The following COL23A1 variants were observed in gnomAD, a reference collection of about 807,000 sequenced individuals.
The protein encoded by COL23A1 is collagen alpha-1(XXIII) chain.
In COL23A1, 97 loss-of-function variants were observed where a neutral mutation model predicts 99.3. The observed-to-expected ratio is 0.98, with a 90% CI of 0.83 to 1.16. The LOEUF is 1.16. Ranked by LOEUF, COL23A1 falls within the 50% of genes most tolerant of loss-of-function variation. COL23A1 has a pLI of 0.00. For missense variants in COL23A1, 762 were observed against 757.4 expected (o/e 1.01, Z -0.07); for synonymous variants, 320 against 308.2 (o/e 1.04, Z -0.40).
chr5:178,460,904 C>A (rs1274159720), intron 2 of COL23A1, among the ~76,000 whole-genome samples: 1 of 152,204 alleles, frequency 6.6e-6, no homozygotes, highest in Admixed American at 6.5e-5. Context: ...TTGCCCCTTC[C>A]CCTATTCTAT....
chr5:178,523,143 A>AAAAT (rs1345833563), intron 2 of COL23A1, among the ~76,000 whole-genome samples: 25 of 106,224 alleles, frequency 2.4e-4, no homozygotes, highest in African/African-American at 7.9e-4. Context: ...TCTATTTAAA[A>AAAAT]ATATATATAT....
intron 2 of COL23A1, among the ~76,000 whole-genome samples, chr5:178,400,358 C>T (rs146257743): frequency 0.057 from 7,038 of 122,948 alleles, 474 homozygotes; most frequent in East Asian, 0.4. Context: ...CAGAGCGAGA[C>T]TCCGTCTCAA....
intron 2 of COL23A1, among the ~76,000 whole-genome samples, chr5:178,416,477 G>A (rs1456322846): frequency 1.3e-5 from 2 of 152,206 alleles, no homozygotes; most frequent in Non-Finnish European, 2.9e-5. Flanking sequence ...GAGTGAGCCC[G>A]GAGGGGTGGG....
rs113088093 is a variant in COL23A1 at position 178,358,834 on chromosome 5, T to C, written c.362-51915A>G. Among the ~76,000 whole-genome samples, 24 of 152,270 alleles carry C rather than the reference T, an allele frequency of 1.6e-4. 1 individual carries two copies. Among genetic ancestry groups the C allele is most frequent in the African/African-American group, 5.5e-4 (23 of 41,540 alleles). ...TGATTTGTATATAAGCCCCCACTCA[T>C]ATAAAATCTGCACCTATATATTAAA... On this transcript the variant is annotated intron_variant, in intron 2 of 28. Coordinates refer to ENST00000390654, the MANE Select transcript of COL23A1 (RefSeq NM_173465.4).
At chr5:178,262,518 T>C (rs4976716) in intron 9 of COL23A1, among the ~76,000 whole-genome samples, 16,660 of 152,010 alleles carry the variant, frequency 0.11, 1,080 homozygotes, top group East Asian at 0.26. Flanking sequence ...GGGGATCCAT[T>C]TGACTGGGGG....
At chr5:178,339,325 G>A (rs1760524194) in intron 2 of COL23A1, among the ~76,000 whole-genome samples, 1 of 152,138 alleles carries the variant, frequency 6.6e-6, no homozygotes, top group Non-Finnish European at 1.5e-5. Context: ...TCAAGCCTCC[G>A]CCATCCTGAA....
At chr5:178,470,947 A>C (rs755722499) in intron 2 of COL23A1, among the ~76,000 whole-genome samples, 1 of 152,114 alleles carries the variant, frequency 6.6e-6, no homozygotes, top group Non-Finnish European at 1.5e-5. Flanking sequence ...CCTTCCATAG[A>C]CTTACTGTGA....
intron 2 of COL23A1, among the ~76,000 whole-genome samples, chr5:178,333,139 A>C (rs1260553624): frequency 1.3e-5 from 2 of 151,910 alleles, no homozygotes; most frequent in Non-Finnish European, 2.9e-5. Flanking sequence ...TGTATTTTTA[A>C]TAGAGACGGG....
Position 178,428,974 on chromosome 5 carries a change from C to G in COL23A1, c.362-122055G>C, listed in dbSNP as rs542551179. On this transcript the variant is annotated intron_variant, in intron 2 of 28. Coordinates refer to ENST00000390654, the MANE Select transcript of COL23A1 (RefSeq NM_173465.4). This position sits in a 1 kb window ranked among gnomAD's most constrained non-coding sequence, Gnocchi z 5.0. ...AGTGTCCTGAGACCCTACCACACCCCAGTGCTGCCCAGGCCCAGCACCCGG... is the reference window on the plus strand; with the variant it reads ...AGTGTCCTGAGACCCTACCACACCCGAGTGCTGCCCAGGCCCAGCACCCGG... 2.6e-5 allele frequency among the ~76,000 whole-genome samples: 4 copies of G among 152,248 alleles called. No individual in the cohort carries two copies. The South Asian group carries it at 6.2e-4, about 24-fold the overall frequency.
intron 3 of COL23A1, among the ~76,000 whole-genome samples, chr5:178,305,448 C>G (rs1758298831): frequency 6.6e-6 from 1 of 152,180 alleles, no homozygotes; most frequent in South Asian, 2.1e-4. Flanking sequence ...GCCAGCCTGG[C>G]TTCGTCACCA....
At chr5:178,463,705 C>T (rs576907771) in intron 2 of COL23A1, among the ~76,000 whole-genome samples, 11 of 152,146 alleles carry the variant, frequency 7.2e-5, no homozygotes, top group East Asian at 1.9e-4. Context: ...CAAATGTGCA[C>T]GGTGGCCCCC....
chr5:178,527,761 C>T (rs1272801381), intron 2 of COL23A1, among the ~76,000 whole-genome samples: 1 of 152,050 alleles, frequency 6.6e-6, no homozygotes, highest in Non-Finnish European at 1.5e-5. Context: ...TGCCCACGCC[C>T]CTGCCAGGCT....
chr5:178,503,556 T>C (rs1361368309), intron 2 of COL23A1, among the ~76,000 whole-genome samples: 1 of 152,090 alleles, frequency 6.6e-6, no homozygotes, highest in Non-Finnish European at 1.5e-5. Flanking sequence ...CTGAAGTATT[T>C]AGGGGTGAGG....
At position 178,242,337 on chromosome 5, in the gene COL23A1, T is replaced by A. The variant is rs1215864665; in HGVS notation, c.1494+4A>T. The A allele has an allele frequency of 6.2e-7, 1 of 1,613,820 alleles. No homozygotes were observed. The highest frequency in any genetic ancestry group is 8.5e-7 in the Non-Finnish European group (1 of 1,179,874). ...TGCCCCAGCTCCCGTCCAGCTGCCC[T>A]CACCTTCTCTCCACGCTCGCTCCGA... On this transcript the variant is annotated splice_donor_region_variant and intron_variant, in intron 26 of 28. Coordinates refer to ENST00000390654, the MANE Select transcript of COL23A1 (RefSeq NM_173465.4).
chr5:178,587,936 C>T (rs1184936326), intron 1 of COL23A1, among the ~76,000 whole-genome samples: 1 of 152,214 alleles, frequency 6.6e-6, no homozygotes, highest in Non-Finnish European at 1.5e-5. Flanking sequence ...GCCCCAACTG[C>T]ATTCATACTG....
intron 2 of COL23A1, among the ~76,000 whole-genome samples, chr5:178,347,923 AC>A (rs1209976470): frequency 1.3e-5 from 2 of 151,866 alleles, no homozygotes; most frequent in Admixed American, 6.6e-5. Flanking sequence ...CAAAAAAAAA[AC>A]AAAGAATAAA....
At position 178,272,475 on chromosome 5, in the gene COL23A1, C is replaced by T. The variant is rs972353167; in HGVS notation, c.442-2112G>A. On this transcript the variant is annotated intron_variant, in intron 5 of 28. Coordinates refer to ENST00000390654, the MANE Select transcript of COL23A1 (RefSeq NM_173465.4). ...AGTCTCATGGTCGCTGAGGGTTTGGCCATCAGAGTGATGGCCTGGTGACAG... is the reference window on the plus strand; with the variant it reads ...AGTCTCATGGTCGCTGAGGGTTTGGTCATCAGAGTGATGGCCTGGTGACAG... Among the ~76,000 whole-genome samples the T allele has an allele frequency of 2.6e-5, 4 of 152,164 alleles. No homozygotes were observed. The East Asian group carries it at 7.7e-4, about 29-fold the overall frequency.
In COL23A1 at chr5:178,345,236, G is replaced by T. The variant is rs1760894254; in HGVS notation, c.362-38317C>A. On this transcript the variant is annotated intron_variant, in intron 2 of 28. Coordinates refer to ENST00000390654, the MANE Select transcript of COL23A1 (RefSeq NM_173465.4). ...TAGAGATGTTCTTGATTTCTATAAT[G>T]TCCCTATTCAAGACAGACCTAAATT... 9.4e-6 allele frequency: 8 copies of T among 851,890 alleles called. No homozygotes were observed. The South Asian group carries it at 1.0e-4, about 11-fold the overall frequency. 52.8% of individuals were successfully genotyped at this position (851,890 alleles called of 1,614,324 possible).
chr5:178,482,609 G>T (rs1202491520), intron 2 of COL23A1, among the ~76,000 whole-genome samples: 1 of 152,172 alleles, frequency 6.6e-6, no homozygotes, highest in Non-Finnish European at 1.5e-5. Flanking sequence ...ATAGACTTAG[G>T]CTGGCCGGGC....
Sources: allele counts gnomAD v4.1 joint callset (sites outside exome capture counted in the v4.1 genomes callset), GRCh38; gene constraint gnomAD v4.1.1; non-coding constraint Gnocchi (gnomAD v3.1); transcripts MANE v1.5; gene names NCBI Gene and HGNC (gene_info 2026-07-23, HGNC 2026-07-21).